Variants in PCSK5 observed in about 807,000 individuals in gnomAD.
PCSK5 encodes prohormone convertase 5.
A neutral mutation model predicts 233.2 loss-of-function variants in PCSK5; 129 were observed. That is an observed-to-expected ratio of 0.55 (90% confidence interval 0.48 to 0.64). The LOEUF (loss-of-function observed/expected upper bound fraction) is 0.64, where lower values mean the gene tolerates loss of function less well. Among genes scored for constraint, PCSK5 ranks in the 30% least tolerant of loss-of-function variants. The probability of loss-of-function intolerance (pLI) is 0.00; values close to 1 mark genes in which losing one functional copy is unlikely to be tolerated. For synonymous variants in PCSK5, 825 were observed against 879.2 expected, an observed-to-expected ratio of 0.94 and a Z score of 1.09; for missense variants, 2,076 against 2,430.1, an observed-to-expected ratio of 0.85 and a Z score of 3.06.
intron 22 of PCSK5, among the ~76,000 whole-genome samples, chr9:76,234,593 T>C (rs967497094): frequency 2.0e-5 from 3 of 152,240 alleles, no homozygotes; most frequent in African/African-American, 7.2e-5. Context: ...GTGTTTCATG[T>C]GTCAAAACAT....
intron 9 of PCSK5, among the ~76,000 whole-genome samples, chr9:76,122,002 T>A (rs11144754): frequency 0.11 from 11,130 of 103,690 alleles, 3,392 homozygotes; most frequent in East Asian, 0.41. Context: ...TTTTTGTATT[T>A]TTAGTAGAGA....
rs1394342700 is a variant in PCSK5, at chr9:75,890,852, G to A, written c.-330G>A. On this transcript the variant is annotated 5_prime_UTR_variant, in exon 1 of 38. Transcript: ENST00000674117. ...AGCGAGACCGAGTCGGAGAGTCCGGGAGCCAAGCCGGGCGAAACCCAACTG... is the reference window on the plus strand; with the variant it reads ...AGCGAGACCGAGTCGGAGAGTCCGGAAGCCAAGCCGGGCGAAACCCAACTG... 7 of 252,936 alleles carry A rather than the reference G, an allele frequency of 2.8e-5. No individual in the cohort carries two copies. Among genetic ancestry groups the A allele is most frequent in the Non-Finnish European group, 5.3e-5 (7 of 132,640 alleles). 15.7% of individuals were successfully genotyped at this position (252,936 alleles called of 1,614,324 possible).
At chr9:75,980,330 C>T (rs1433642001) in intron 2 of PCSK5, among the ~76,000 whole-genome samples, 2 of 152,096 alleles carry the variant, frequency 1.3e-5, no homozygotes, top group African/African-American at 4.8e-5. Context: ...CAAGTTTTTT[C>T]AGTTTGGCCT....
chr9:76,206,260 C>T lies in PCSK5; in HGVS notation c.2626+16514C>T, dbSNP rs1825111913. Among the ~76,000 whole-genome samples, 2 of 152,310 alleles carry T rather than the reference C, an allele frequency of 1.3e-5. 1 individual carries two copies. The highest frequency in any genetic ancestry group is 6.8e-3 in the Middle Eastern group (2 of 294). ...TAACTACATAGTCTTAGTAATGATA[C>T]TAGAAAGATGTGGGTTCAAGTCCCA... On this transcript the variant is annotated intron_variant, in intron 20 of 37. Coordinates refer to ENST00000674117, the MANE Select transcript of PCSK5 (RefSeq NM_001372043.1).
chr9:75,956,052 C>A (rs1825081539), intron 2 of PCSK5, among the ~76,000 whole-genome samples: 1 of 152,232 alleles, frequency 6.6e-6, no homozygotes, highest in Non-Finnish European at 1.5e-5. Flanking sequence ...ACTCTTGTAA[C>A]CACTACACTA....
chr9:75,915,857 G>A (rs1822964575), intron 1 of PCSK5, among the ~76,000 whole-genome samples: 1 of 152,176 alleles, frequency 6.6e-6, no homozygotes, highest in Non-Finnish European at 1.5e-5. Flanking sequence ...TCAACAGTAA[G>A]TACTTAGGAA....
At position 76,292,267 on chromosome 9, in the gene PCSK5, G is replaced by A. The variant is rs1276807061; in HGVS notation, c.3177G>A (p.Gly1059=). Residue 1059 remains glycine (G), a synonymous_variant, in exon 25 of 38, where the codon GGG becomes GGA. Coordinates refer to ENST00000674117, the MANE Select transcript of PCSK5 (RefSeq NM_001372043.1). ...DPGTCTSCAM[G]YYRFDHHCYK... ...GAACATGTACATCTTGCGCTATGGGGTATTACAGGTAAGTCTGGTCTTCCT... is the reference window on the plus strand; with the variant it reads ...GAACATGTACATCTTGCGCTATGGGATATTACAGGTAAGTCTGGTCTTCCT... 1 of 1,573,356 alleles carries A rather than the reference G, an allele frequency of 6.4e-7. No homozygotes were observed.
intron 2 of PCSK5, among the ~76,000 whole-genome samples, chr9:75,966,301 C>T (rs1040906875): frequency 2.0e-5 from 3 of 152,148 alleles, no homozygotes; most frequent in Non-Finnish European, 4.4e-5. Flanking sequence ...AAATGCCTGT[C>T]GGATATTTCT....
At chr9:76,007,629 A>C (rs1157754258) in intron 3 of PCSK5, among the ~76,000 whole-genome samples, 1 of 152,008 alleles carries the variant, frequency 6.6e-6, no homozygotes, top group Non-Finnish European at 1.5e-5. Context: ...TCTGCTTTTC[A>C]TCACTTTCGT....
intron 10 of PCSK5, among the ~76,000 whole-genome samples, chr9:76,146,632 AG>A (rs1336268687): frequency 1.3e-5 from 2 of 151,952 alleles, no homozygotes; most frequent in Non-Finnish European, 2.9e-5. Context: ...GGAAAAGATA[AG>A]TTATGTAGAT....
rs1830435730 is a variant in PCSK5, at chr9:76,361,795, G to C, written c.*2873G>C. The C allele has an allele frequency of 6.6e-6, 1 of 152,190 alleles. No individual in the cohort carries two copies. Among genetic ancestry groups the C allele is most frequent in the Admixed American group, 6.5e-5 (1 of 15,274 alleles). 9.4% of individuals were successfully genotyped at this position (152,190 alleles called of 1,614,324 possible). A position where few individuals can be genotyped will look rare whatever the true frequency, so the allele number is the denominator to read the frequency against. On this transcript the variant is annotated 3_prime_UTR_variant, in exon 38 of 38. Transcript: ENST00000674117. ...TAGAAACATATAAAAATATATGCATGATAGCCATCATATCAATGGAAGACT... is the reference window on the plus strand; with the variant it reads ...TAGAAACATATAAAAATATATGCATCATAGCCATCATATCAATGGAAGACT...
At chr9:75,960,574 C>T (rs531703381) in intron 2 of PCSK5, among the ~76,000 whole-genome samples, 1 of 152,264 alleles carries the variant, frequency 6.6e-6, no homozygotes, top group African/African-American at 2.4e-5. Flanking sequence ...TTTAAGACGC[C>T]AAAGATTGTA....
chr9:76,261,746 G>A (rs1039710412), intron 24 of PCSK5, among the ~76,000 whole-genome samples: 35 of 152,224 alleles, frequency 2.3e-4, no homozygotes, highest in African/African-American at 6.5e-4. Context: ...GGATTCCTAC[G>A]TATTTTATTC....
At chr9:76,051,680 T>C (rs1483657839) in intron 5 of PCSK5, among the ~76,000 whole-genome samples, 1 of 151,986 alleles carries the variant, frequency 6.6e-6, no homozygotes, top group Non-Finnish European at 1.5e-5. Context: ...TTCACATTTG[T>C]ATGAGAAAAC....
At chr9:76,110,245 C>T (rs935949839) in intron 9 of PCSK5, among the ~76,000 whole-genome samples, 1 of 152,176 alleles carries the variant, frequency 6.6e-6, no homozygotes, top group Non-Finnish European at 1.5e-5. Context: ...AGGGTTCATT[C>T]AGTAACTGGA....
chr9:76,171,582 AC>A (rs1222915918), intron 13 of PCSK5, among the ~76,000 whole-genome samples: 1 of 152,212 alleles, frequency 6.6e-6, no homozygotes, highest in East Asian at 1.9e-4. Flanking sequence ...GTCAGGGGTC[AC>A]GAATATAAAT....
rs551689637 is a variant in PCSK5 at position 76,064,804 on chromosome 9, C to T, written c.633-3151C>T. ...CGGGGCAGAGGCGCTCCCCACATCT[C>T]AGACGATGGGCGGCCGGGCAGAGAC... On this transcript the variant is annotated intron_variant, in intron 5 of 37. Transcript: ENST00000674117. 1.9e-3 allele frequency among the ~76,000 whole-genome samples: 284 copies of T among 150,334 alleles called. 1 individual carries two copies. Among genetic ancestry groups the T allele is most frequent in the Non-Finnish European group, 3.3e-3 (220 of 67,498 alleles).
Position 76,107,363 on chromosome 9 carries a change from T to G in PCSK5, c.1208+12T>G. The G allele has an allele frequency of 1.9e-6, 3 of 1,564,466 alleles. No individual in the cohort carries two copies. The highest frequency in any genetic ancestry group is 2.6e-6 in the Non-Finnish European group (3 of 1,136,248). On this transcript the variant is annotated intron_variant, in intron 9 of 37. Coordinates refer to ENST00000674117, the MANE Select transcript of PCSK5 (RefSeq NM_001372043.1). ...GCCCTGGAAGCCAAGTAAGCCTTGA[T>G]CTCTATATGTCTTCAATGGTGACAA...
At chr9:75,926,317 C>A (rs1451596203) in intron 1 of PCSK5, among the ~76,000 whole-genome samples, 1 of 152,112 alleles carries the variant, frequency 6.6e-6, no homozygotes, top group African/African-American at 2.4e-5. Context: ...AATGTATATA[C>A]CCAGTGATGT....
Sources: gnomAD v4.1 joint callset for allele counts (sites outside exome capture counted in the v4.1 genomes callset) on GRCh38, gnomAD v4.1.1 for gene constraint, MANE v1.5 for transcripts, NCBI Gene and HGNC (gene_info 2026-07-23, HGNC 2026-07-21) for gene names.